ANKRD17: variants seen among roughly 807,000 people sequenced by gnomAD.
The protein encoded by ANKRD17 is ankyrin repeat domain-containing protein 17.
In ANKRD17, 19 loss-of-function variants were observed where a neutral mutation model predicts 229.7. That is an observed-to-expected ratio of 0.08 (90% confidence interval 0.06 to 0.12). The LOEUF (loss-of-function observed/expected upper bound fraction) is 0.12. Among genes scored for constraint, ANKRD17 ranks in the 10% least tolerant of loss-of-function variants. The pLI is 1.00. For missense variants in ANKRD17, 2,176 were observed against 3,176.8 expected (o/e 0.68, Z 7.57); for synonymous variants, 1,112 against 1,146.1 (o/e 0.97, Z 0.60).
chr4:73,165,104 T>A (rs1433994692), intron 2 of ANKRD17, among the ~76,000 whole-genome samples: 1 of 152,050 alleles, frequency 6.6e-6, no homozygotes, highest in East Asian at 1.9e-4. Context: ...TAAGCTAAAA[T>A]GTATAAAGAC....
chr4:73,145,321 A>G (rs1015064723), intron 10 of ANKRD17, among the ~76,000 whole-genome samples: 1 of 152,058 alleles, frequency 6.6e-6, no homozygotes, highest in African/African-American at 2.4e-5. Flanking sequence ...CAGACTTCCT[A>G]TTATCTCTAG....
rs770880032 is a variant in ANKRD17, at chr4:73,092,187, G to T, written c.5441C>A (p.Ala1814Glu). ...IPKNRLKSSS[A>E]NSKIGSSAPT... is the part of the protein sequence containing the mutation. ...TGCTGATGACCCTATTTTGGAATTTGCTGAGGAGCTTTTCAAACGATTCTT... is the reference window on the plus strand; with the variant it reads ...TGCTGATGACCCTATTTTGGAATTTTCTGAGGAGCTTTTCAAACGATTCTT... The change falls in exon 29 of 34, where the codon GCA (alanine) becomes GAA (glutamate). Residue 1814 changes from alanine (A) to glutamate (E), a missense_variant. Physicochemically the swap from Ala to Glu is moderately radical, Grantham distance 107. This residue lies in a region of ANKRD17 where 142 missense variants were observed against 200.4 expected (regional missense o/e 0.71). Coordinates refer to ENST00000358602, the MANE Select transcript of ANKRD17 (RefSeq NM_032217.5). 6 of 1,614,038 alleles carry T rather than the reference G, an allele frequency of 3.7e-6. No homozygotes were observed. The highest frequency in any genetic ancestry group is 5.1e-6 in the Non-Finnish European group (6 of 1,180,046).
chr4:73,255,289 A>T (rs559569298), intron 1 of ANKRD17, among the ~76,000 whole-genome samples: 3 of 152,332 alleles, frequency 2.0e-5, no homozygotes, highest in African/African-American at 7.2e-5. Flanking sequence ...CTTTTGGCAG[A>T]TACAGAGATT....
chr4:73,193,152 A>C (rs542733349), intron 1 of ANKRD17, among the ~76,000 whole-genome samples: 2 of 152,298 alleles, frequency 1.3e-5, no homozygotes, highest in South Asian at 4.1e-4. Flanking sequence ...TTTCCTTTCC[A>C]GAATGAATGG....
chr4:73,257,973 C>G (rs573352898), intron 1 of ANKRD17, among the ~76,000 whole-genome samples: 3 of 149,754 alleles, frequency 2.0e-5, no homozygotes, highest in East Asian at 3.9e-4. Flanking sequence ...CCCCCACCCC[C>G]CGGCGTGCAA....
intron 23 of ANKRD17, 58 bp from the exon 24 acceptor site, chr4:73,113,966 T>A: frequency 7.8e-7 from 1 of 1,279,600 alleles, no homozygotes; most frequent in African/African-American, 1.5e-5. Flanking sequence ...CTTAGAGAAA[T>A]TCCTAAAAAC....
chr4:73,125,864 T>C (rs1173361908), intron 16 of ANKRD17, among the ~76,000 whole-genome samples: 2 of 152,144 alleles, frequency 1.3e-5, no homozygotes, highest in African/African-American at 4.8e-5. Context: ...ATCACGTGAT[T>C]GAAAGAAATA....
Position 73,098,297 on chromosome 4 carries a change from C to A in ANKRD17, c.4797G>T (p.Val1599=). 1 of 1,614,226 alleles carries A rather than the reference C, an allele frequency of 6.2e-7. No homozygotes were observed. The highest frequency in any genetic ancestry group is 8.5e-7 in the Non-Finnish European group (1 of 1,180,042). Residue 1599 remains valine (V), a synonymous_variant, in exon 26 of 34, where the codon GTG becomes GTT. Transcript: ENST00000358602. ...TACTGCTGCTCTTGGACTCTCCATT[C>A]ACCTTCTCTGGCTGACTGTATGAAA... ...LPISYSQPEK[V]NGESKSSSTS... is the part of the protein sequence containing the mutation.
chr4:73,120,304 C>T lies in ANKRD17; in HGVS notation c.3883G>A (p.Gly1295Ser). The stretch of plus-strand genomic sequence containing the variant: ...ACTCGGCCCACCTCCGCATATCCAC[C>T]AGAGGCAGCTTCCATTAGTGGTGTG... ...GLTPLMEAAS[G>S]GYAEVGRVLL... Residue 1295 changes from glycine (G) to serine (S), a missense_variant, in exon 21 of 34, where the codon GGT (glycine) becomes AGT (serine). By Grantham distance (56) the Gly-to-Ser change is moderately conservative. This residue lies in a region of ANKRD17 where 178 missense variants were observed against 421.7 expected (regional missense o/e 0.42). Coordinates refer to ENST00000358602, the MANE Select transcript of ANKRD17 (RefSeq NM_032217.5). The T allele has an allele frequency of 6.2e-7, 1 of 1,614,016 alleles. No homozygotes were observed. The highest frequency in any genetic ancestry group is 8.5e-7 in the Non-Finnish European group (1 of 1,179,982).
chr4:73,166,251 GCCAA>G (rs904571772), intron 2 of ANKRD17, among the ~76,000 whole-genome samples: 6 of 152,138 alleles, frequency 3.9e-5, no homozygotes, highest in African/African-American at 1.4e-4. Flanking sequence ...AATATGAAAA[GCCAA>G]CCAAAGTATT....
intron 16 of ANKRD17, 45 bp downstream of exon 16, chr4:73,135,072 C>T (rs1728719461): frequency 1.3e-6 from 2 of 1,556,844 alleles, no homozygotes; most frequent in South Asian, 1.2e-5. Flanking sequence ...TTAATTATGG[C>T]ATAATTCCAA....
At chr4:73,083,802 C>T (rs2110111802) in intron 30 of ANKRD17, among the ~76,000 whole-genome samples, 1 of 152,228 alleles carries the variant, frequency 6.6e-6, no homozygotes, top group Non-Finnish European at 1.5e-5. Flanking sequence ...CAATTTACCT[C>T]ATGCTTTAAC....
In ANKRD17 at chr4:73,076,106, C is replaced by G. The variant is rs1720977234; in HGVS notation, c.*125G>C. The G allele has an allele frequency of 1.5e-6, 1 of 657,850 alleles. No individual in the cohort carries two copies. The highest frequency in any genetic ancestry group is 2.3e-6 in the Non-Finnish European group (1 of 428,042). 40.8% of individuals were successfully genotyped at this position (657,850 alleles called of 1,614,324 possible). A position where few individuals can be genotyped will look rare whatever the true frequency, so the allele number is the denominator to read the frequency against. On this transcript the variant is annotated 3_prime_UTR_variant, in exon 34 of 34. Transcript: ENST00000358602. Reference sequence around the variant, plus strand: ...ATAGGTCAGTTAGTAAGATCTTCTGCAAAAAGCCTACACACTTCAGTCAAG... The same window carrying G: ...ATAGGTCAGTTAGTAAGATCTTCTGGAAAAAGCCTACACACTTCAGTCAAG...
chr4:73,092,312 GA>G lies in ANKRD17; in HGVS notation c.5328-13del, dbSNP rs767985081. ...ATTCAGTGCCACCCCTATAAATTGA[GA>G]AAAAAAAATTAGGTAGAATTTTCCC... On this transcript the variant is annotated splice_polypyrimidine_tract_variant and intron_variant, in intron 28 of 33. Transcript: ENST00000358602. 2.5e-5 allele frequency: 39 copies of G among 1,567,196 alleles called. No individual in the cohort carries two copies. Among genetic ancestry groups the G allele is most frequent in the South Asian group, 9.5e-5 (8 of 83,990 alleles).
chr4:73,155,811 A>T, intron 4 of ANKRD17, 33 bp from the exon 5 acceptor site: 1 of 1,606,058 alleles, frequency 6.2e-7, no homozygotes, highest in Non-Finnish European at 8.5e-7. Context: ...AAAAGATATT[A>T]GGAAATAATC....
At chr4:73,238,644 A>C (rs1042513339) in intron 1 of ANKRD17, among the ~76,000 whole-genome samples, 3 of 152,128 alleles carry the variant, frequency 2.0e-5, no homozygotes, top group African/African-American at 7.2e-5. Context: ...GGGATAGGTC[A>C]CTATACATAA....
intron 1 of ANKRD17, among the ~76,000 whole-genome samples, chr4:73,211,679 T>A (rs1218942986): frequency 6.6e-6 from 1 of 151,918 alleles, no homozygotes; most frequent in Non-Finnish European, 1.5e-5. Context: ...AAACCCCATC[T>A]CTACTAAAAA....
At chr4:73,105,545 T>C (rs1724510508) in intron 24 of ANKRD17, among the ~76,000 whole-genome samples, 1 of 151,606 alleles carries the variant, frequency 6.6e-6, no homozygotes, top group African/African-American at 2.4e-5. Flanking sequence ...CTCACAAAAG[T>C]GGTGGGCATC....
At chr4:73,219,900 G>A (rs1336646764) in intron 1 of ANKRD17, among the ~76,000 whole-genome samples, 2 of 152,068 alleles carry the variant, frequency 1.3e-5, no homozygotes, top group African/African-American at 4.8e-5. Context: ...TTAAAGGATG[G>A]AAATATCTGT....
Sources: gnomAD v4.1 joint callset for allele counts (sites outside exome capture counted in the v4.1 genomes callset) on GRCh38, gnomAD v4.1.1 for gene constraint, gnomAD v4.1.1 regional missense constraint, MANE v1.5 for transcripts, NCBI Gene and HGNC (gene_info 2026-07-23, HGNC 2026-07-21) for gene names.